Variants in CYP4F22 observed in about 807,000 individuals in gnomAD.
The protein encoded by CYP4F22 is ultra-long-chain fatty acid omega-hydroxylase.
Under a neutral mutation model 60.4 loss-of-function variants are expected in CYP4F22, and 37 were observed. That is an observed-to-expected ratio of 0.61 (90% confidence interval 0.47 to 0.81). The LOEUF (loss-of-function observed/expected upper bound fraction) is 0.81. Ranked by LOEUF, CYP4F22 falls within the 30% of genes least tolerant of loss-of-function variation. The pLI is 0.00. For synonymous variants in CYP4F22, 258 were observed against 280.5 expected (o/e 0.92, Z 0.80); for missense variants, 655 against 715.0 (o/e 0.92, Z 0.96).
intron 2 of CYP4F22, among the ~76,000 whole-genome samples, chr19:15,524,735 T>C (rs936049699): frequency 7.2e-5 from 11 of 151,878 alleles, no homozygotes; most frequent in African/African-American, 2.4e-4. Flanking sequence ...TGAAACTAGA[T>C]GGAGGTGGTA....
At chr19:15,551,237 C>G in intron 13 of CYP4F22, 57 bp from the exon 14 acceptor site, 1 of 1,577,964 alleles carries the variant, frequency 6.3e-7, no homozygotes, top group South Asian at 1.2e-5. Context: ...CATGTGACCC[C>G]CGGGGACCAG....
intron 2 of CYP4F22, 148 bp from the exon 3 acceptor site, chr19:15,525,188 G>A: frequency 2.6e-6 from 2 of 773,912 alleles, no homozygotes; most frequent in Non-Finnish European, 4.3e-6. Flanking sequence ...CAGCTGGTTG[G>A]AGATCATGGC....
At chr19:15,548,740 G>A (rs555041934) in intron 11 of CYP4F22, among the ~76,000 whole-genome samples, 1 of 152,256 alleles carries the variant, frequency 6.6e-6, no homozygotes, top group East Asian at 1.9e-4. Flanking sequence ...GTGAGGCTTG[G>A]AGTGTGGAAG....
At chr19:15,543,007 A>G (rs962799729) in intron 8 of CYP4F22, among the ~76,000 whole-genome samples, 9 of 152,196 alleles carry the variant, frequency 5.9e-5, no homozygotes, top group African/African-American at 1.4e-4. Context: ...TAGTGCTGCA[A>G]TGAACATATG....
chr19:15,543,004 G>T (rs1354427369), intron 8 of CYP4F22, among the ~76,000 whole-genome samples: 1 of 152,148 alleles, frequency 6.6e-6, no homozygotes, highest in African/African-American at 2.4e-5. Flanking sequence ...CAATAGTGCT[G>T]CAATGAACAT....
intron 1 of CYP4F22, among the ~76,000 whole-genome samples, chr19:15,514,326 C>T (rs1971128864): frequency 6.6e-6 from 1 of 152,166 alleles, no homozygotes; most frequent in African/African-American, 2.4e-5. Flanking sequence ...TTGATAAAGT[C>T]AGTCTCAGAA....
chr19:15,551,447 G>T lies in CYP4F22; in HGVS notation c.1572G>T (p.Val524=), dbSNP rs1488107694. ...CGGAGAACGGGCTCTGGCTCAAGGT[G>T]GAGCCGCTGCCTCCGCGGGCCTGAG... ...LRTENGLWLK[V]EPLPPRA is the part of the protein sequence containing the mutation. Residue 524 remains valine, a synonymous_variant, in exon 14 of 14, where the codon GTG becomes GTT. Transcript: ENST00000269703. 1.3e-6 allele frequency: 2 copies of T among 1,571,668 alleles called. No homozygotes were observed. The highest frequency in any genetic ancestry group is 1.7e-6 in the Non-Finnish European group (2 of 1,159,118).
At chr19:15,547,245 G>C (rs911271749) in intron 10 of CYP4F22, among the ~76,000 whole-genome samples, 3 of 151,530 alleles carry the variant, frequency 2.0e-5, no homozygotes, top group Non-Finnish European at 4.4e-5. Context: ...GACTGATCTT[G>C]AACTCCTGAC....
At chr19:15,515,916 G>A (rs1321633664) in intron 1 of CYP4F22, among the ~76,000 whole-genome samples, 1 of 151,948 alleles carries the variant, frequency 6.6e-6, no homozygotes, top group East Asian at 2.0e-4. Flanking sequence ...GTAGAGATGG[G>A]GTTTCACCAT....
chr19:15,551,408 G>A lies in CYP4F22; in HGVS notation c.1533G>A (p.Glu511=). ...DRTRKVRRKP[E]LILRTENGLW... is the part of the protein sequence containing the mutation. ...CGCGCAAGGTGCGGCGGAAGCCGGA[G>A]CTCATACTGCGCACGGAGAACGGGC... is the stretch of plus-strand genomic sequence containing the variant. Residue 511 remains glutamate (E), a synonymous_variant, in exon 14 of 14, where the codon GAG becomes GAA. Coordinates refer to ENST00000269703, the MANE Select transcript of CYP4F22 (RefSeq NM_173483.4). 1.9e-6 allele frequency: 3 copies of A among 1,600,794 alleles called. No homozygotes were observed. The highest frequency in any genetic ancestry group is 2.6e-6 in the Non-Finnish European group (3 of 1,173,804).
intron 10 of CYP4F22, among the ~76,000 whole-genome samples, chr19:15,546,453 G>A (rs1288967785): frequency 2.0e-5 from 3 of 152,174 alleles, no homozygotes; most frequent in African/African-American, 7.2e-5. Context: ...GCGTATTGGT[G>A]TGTGCCTGTA....
intron 1 of CYP4F22, chr19:15,516,650 A>G (rs1337056761): frequency 1.3e-5 from 5 of 396,326 alleles, no homozygotes; most frequent in Non-Finnish European, 4.8e-6. Flanking sequence ...CATTTTACTT[A>G]TAACACTATG....
intron 3 of CYP4F22, 114 bp from the exon 4 acceptor site, chr19:15,529,595 T>C: frequency 6.9e-7 from 1 of 1,451,244 alleles, no homozygotes; most frequent in African/African-American, 1.4e-5. Context: ...CTGCCTGAAA[T>C]CATAATGTAG....
intron 2 of CYP4F22, 65 bp from the exon 3 acceptor site, chr19:15,525,271 A>T: frequency 6.6e-7 from 1 of 1,506,898 alleles, no homozygotes; most frequent in African/African-American, 1.4e-5. Context: ...TAGGCACACC[A>T]TGCATTACCC....
At chr19:15,546,505 A>G (rs949098526) in intron 10 of CYP4F22, among the ~76,000 whole-genome samples, 3 of 152,084 alleles carry the variant, frequency 2.0e-5, no homozygotes, top group Non-Finnish European at 4.4e-5. Flanking sequence ...AATTGCTTGA[A>G]CCTGGGAAGC....
intron 1 of CYP4F22, among the ~76,000 whole-genome samples, chr19:15,519,348 T>C (rs988151929): frequency 2.0e-5 from 3 of 151,770 alleles, no homozygotes; most frequent in Non-Finnish European, 4.4e-5. Flanking sequence ...CTGCAACCTC[T>C]GCCTCCCACG....
chr19:15,520,369 TA>T (rs1180421826), intron 1 of CYP4F22, among the ~76,000 whole-genome samples: 1 of 145,322 alleles, frequency 6.9e-6, no homozygotes, highest in African/African-American at 2.5e-5. Context: ...AAACAAAAAC[TA>T]AAAAAAGAAA....
Position 15,525,487 on chromosome 19 carries a change from A to C in CYP4F22, c.151A>C (p.Ile51Leu). ...CCTGAGGCTCTGCAGGAGCTTCTAC[A>C]TCACCTGCCGCCGGCTGCGCTGCTT... is the stretch of plus-strand genomic sequence containing the variant. The part of the protein sequence containing the change: ...RFLRLCRSFY[I>L]TCRRLRCFPQ... The change falls in exon 3 of 14, where the codon ATC becomes CTC. Residue 51 changes from isoleucine to leucine, a missense_variant. By Grantham distance (5) the Ile-to-Leu change is conservative. This residue lies in a region of CYP4F22 where 430 missense variants were observed against 457.1 expected (regional missense o/e 0.94). Coordinates refer to ENST00000269703, the MANE Select transcript of CYP4F22 (RefSeq NM_173483.4). 6.2e-7 allele frequency: 1 copy of C among 1,613,726 alleles called. No individual in the cohort carries two copies. The highest frequency in any genetic ancestry group is 8.5e-7 in the Non-Finnish European group (1 of 1,179,924).
chr19:15,514,587 C>T, intron 1 of CYP4F22, among the ~76,000 whole-genome samples: 1 of 151,994 alleles, frequency 6.6e-6, no homozygotes, highest in East Asian at 1.9e-4. Flanking sequence ...CAGACAATTG[C>T]TTGAACCTGG....
Sources: allele counts gnomAD v4.1 joint callset (sites outside exome capture counted in the v4.1 genomes callset), GRCh38; gene constraint gnomAD v4.1.1; regional missense constraint gnomAD v4.1.1; transcripts MANE v1.5; gene names NCBI Gene and HGNC (gene_info 2026-07-23, HGNC 2026-07-21).